DENND4C: variants seen among roughly 807,000 people sequenced by gnomAD.
The protein encoded by DENND4C is DENN domain-containing protein 4C.
Under a neutral mutation model 203.0 loss-of-function variants are expected in DENND4C, and 108 were observed. The ratio of observed to expected loss-of-function variants is 0.53; its 90% CI spans 0.46 to 0.62. DENND4C has a LOEUF of 0.62. Ranked by LOEUF, DENND4C falls within the 20% of genes least tolerant of loss-of-function variation. The pLI is 0.00. For synonymous variants in DENND4C, 871 were observed against 792.4 expected (o/e 1.10, Z -1.67); for missense variants, 2,481 against 2,301.2 (o/e 1.08, Z -1.60).
rs1832882345 is a variant in DENND4C, at chr9:19,276,231, T to A, written c.57T>A (p.Thr19=). 8.1e-7 allele frequency: 1 copy of A among 1,232,102 alleles called. No individual in the cohort carries two copies. Among genetic ancestry groups the A allele is most frequent in the Non-Finnish European group, 1.0e-6 (1 of 987,908 alleles). The allele number at this position is 1,232,102 out of a possible 1,614,324, so 76.3% of individuals were successfully genotyped here. A position where few individuals can be genotyped will look rare whatever the true frequency, so the allele number is the denominator to read the frequency against. Residue 19 remains threonine (T), a synonymous_variant, in exon 2 of 33, where the codon ACT becomes ACA. Coordinates refer to ENST00000434457, the MANE Select transcript of DENND4C (RefSeq NM_001330640.2). ...VTDYFVVAGL[T]DTSTLLDQEI... is the part of the protein sequence containing the mutation. The stretch of plus-strand genomic sequence containing the variant: ...ACTACTTTGTCGTAGCTGGTCTCAC[T>A]GACACATCTACTCTTTTGGATCAAG...
intron 2 of DENND4C, 85 bp downstream of exon 2, chr9:19,276,564 G>A (rs1832933507): frequency 2.7e-6 from 2 of 751,808 alleles, no homozygotes; most frequent in East Asian, 6.8e-5. Context: ...ATCCTTGATA[G>A]TTTTATTATT....
At chr9:19,280,396 C>T (rs2130983132) in intron 2 of DENND4C, among the ~76,000 whole-genome samples, 1 of 152,332 alleles carries the variant, frequency 6.6e-6, no homozygotes, top group East Asian at 1.9e-4. Flanking sequence ...CCACCTGCCT[C>T]TGCCTCCCAA....
intron 1 of DENND4C, among the ~76,000 whole-genome samples, chr9:19,256,887 G>A (rs1322245263): frequency 6.6e-6 from 1 of 151,898 alleles, no homozygotes; most frequent in Non-Finnish European, 1.5e-5. Flanking sequence ...TGGCTAACAT[G>A]GTGAAACCCT....
chr9:19,344,718 G>A (rs1185620217), intron 22 of DENND4C, among the ~76,000 whole-genome samples: 2 of 152,192 alleles, frequency 1.3e-5, no homozygotes, highest in Admixed American at 6.5e-5. Context: ...GCCCAGGCTG[G>A]TCTCGAGCTC....
rs958060832 is a variant in DENND4C at position 19,372,435 on chromosome 9, T to C, written c.*262T>C. On this transcript the variant is annotated 3_prime_UTR_variant, in exon 33 of 33. Coordinates refer to ENST00000434457, the MANE Select transcript of DENND4C (RefSeq NM_001330640.2). ...CCTCTGTGGAAAACTACTTTGGGAT[T>C]CTTCAGTATTTGTAGTAGTTTGATA... is the stretch of plus-strand genomic sequence containing the variant. The C allele has an allele frequency of 3.0e-6, 1 of 337,946 alleles. No individual in the cohort carries two copies. The highest frequency in any genetic ancestry group is 2.1e-5 in the African/African-American group (1 of 47,748). 20.9% of individuals were successfully genotyped at this position (337,946 alleles called of 1,614,324 possible).
Position 19,358,945 on chromosome 9 carries a change from G to A in DENND4C, c.5160+785G>A, listed in dbSNP as rs1825924204. On this transcript the variant is annotated intron_variant, in intron 28 of 32. Transcript: ENST00000434457. The surrounding 1 kb of genome is among the most constrained non-coding windows in gnomAD (Gnocchi z 4.8). The stretch of plus-strand genomic sequence containing the variant: ...CCAGCAGGAGACATAAACATTAGTA[G>A]CTATTAATGCCTTAATGCCTAGATA... 6.6e-6 allele frequency among the ~76,000 whole-genome samples: 1 copy of A among 151,756 alleles called. No homozygotes were observed. The highest frequency in any genetic ancestry group is 2.1e-4 in the South Asian group (1 of 4,834).
At position 19,346,606 on chromosome 9, in the gene DENND4C, T is replaced by C; in HGVS notation, c.3837T>C (p.Arg1279=). The C allele has an allele frequency of 1.2e-6, 2 of 1,614,186 alleles. No individual in the cohort carries two copies. The highest frequency in any genetic ancestry group is 1.7e-6 in the Non-Finnish European group (2 of 1,180,046). The change falls in exon 23 of 33, where the codon CGT becomes CGC. Residue 1279 remains arginine, a synonymous_variant. Transcript: ENST00000434457. ...AGTTGTTTTCTCCAGTTATTGCACG[T>C]AATCTGGCTGATGAAATAGAAAGCT... ...EDKLFSPVIA[R]NLADEIESYM... is the part of the protein sequence containing the mutation.
intron 1 of DENND4C, among the ~76,000 whole-genome samples, chr9:19,256,255 C>T (rs2131678967): frequency 6.7e-6 from 1 of 150,368 alleles, no homozygotes; most frequent in South Asian, 2.1e-4. Flanking sequence ...AACTGAAAAA[C>T]ATACTTTATT....
intron 1 of DENND4C, among the ~76,000 whole-genome samples, chr9:19,254,165 A>C (rs985371463): frequency 2.0e-5 from 3 of 152,190 alleles, no homozygotes; most frequent in African/African-American, 4.8e-5. Flanking sequence ...GCCATTATGG[A>C]GCACAATATG....
intron 7 of DENND4C, 54 bp from the exon 8 acceptor site, chr9:19,299,175 C>T (rs1436230122): frequency 7.5e-6 from 10 of 1,332,794 alleles, no homozygotes; most frequent in Non-Finnish European, 1.0e-5. Context: ...TGAAACTTAT[C>T]TCTTGGTTTG....
chr9:19,345,662 T>C (rs1822719421), intron 22 of DENND4C, among the ~76,000 whole-genome samples: 1 of 152,224 alleles, frequency 6.6e-6, no homozygotes, highest in Admixed American at 6.5e-5. Flanking sequence ...TATCATATGT[T>C]GCATGATTTG....
chr9:19,243,416 G>A (rs977532237), intron 1 of DENND4C, among the ~76,000 whole-genome samples: 1 of 151,986 alleles, frequency 6.6e-6, no homozygotes, highest in Non-Finnish European at 1.5e-5. Context: ...AGTGGTGTTC[G>A]GCACATTCAC....
In DENND4C at chr9:19,274,982, T is replaced by G. The variant is rs117582407; in HGVS notation, c.-17-1176T>G. Among the ~76,000 whole-genome samples, 99 of 152,294 alleles carry G rather than the reference T, an allele frequency of 6.5e-4. No individual in the cohort carries two copies. The East Asian group carries it at 0.015, about 24-fold the overall frequency. On this transcript the variant is annotated intron_variant, in intron 1 of 32. Transcript: ENST00000434457. The stretch of plus-strand genomic sequence containing the variant: ...GTAGTCCACCTCTGACAGTTTAGTA[T>G]TATTATTTTTTTGAGATGGAGTCTT...
At chr9:19,339,631 A>AT (rs1350914490) in intron 20 of DENND4C, among the ~76,000 whole-genome samples, 1 of 151,954 alleles carries the variant, frequency 6.6e-6, no homozygotes, top group Non-Finnish European at 1.5e-5. Flanking sequence ...TTACTATAAT[A>AT]TTTTTTTCCT....
At chr9:19,259,913 C>A (rs1005092346) in intron 1 of DENND4C, among the ~76,000 whole-genome samples, 10 of 152,150 alleles carry the variant, frequency 6.6e-5, no homozygotes, top group Non-Finnish European at 1.3e-4. Flanking sequence ...AATAGTGCTG[C>A]AATAAACATG....
At chr9:19,366,399 A>G (rs1827686421) in intron 30 of DENND4C, among the ~76,000 whole-genome samples, 2 of 152,212 alleles carry the variant, frequency 1.3e-5, no homozygotes, top group Non-Finnish European at 2.9e-5. Context: ...CAGGAGATCG[A>G]GACCATCCTG....
intron 20 of DENND4C, chr9:19,337,822 T>A (rs924463457): frequency 6.8e-5 from 23 of 336,954 alleles, no homozygotes; most frequent in African/African-American, 5.0e-4. Flanking sequence ...TATAGACTCT[T>A]GAAAATATCC....
chr9:19,245,939 T>C (rs962745808), intron 1 of DENND4C, among the ~76,000 whole-genome samples: 43 of 132,992 alleles, frequency 3.2e-4, no homozygotes, highest in African/African-American at 1.2e-3. Flanking sequence ...TACCCTATTT[T>C]GATATTTCTT....
intron 16 of DENND4C, 149 bp downstream of exon 16, chr9:19,328,311 C>G: frequency 2.3e-6 from 2 of 885,008 alleles, no homozygotes; most frequent in Non-Finnish European, 3.2e-6. Flanking sequence ...TCTTGCAAGC[C>G]TACTTAAAAT....
Sources: gnomAD v4.1 joint callset for allele counts (sites outside exome capture counted in the v4.1 genomes callset) on GRCh38, gnomAD v4.1.1 for gene constraint, Gnocchi (gnomAD v3.1) non-coding constraint, MANE v1.5 for transcripts, NCBI Gene and HGNC (gene_info 2026-07-23, HGNC 2026-07-21) for gene names.